PTPRF: variants seen among roughly 807,000 people sequenced by gnomAD.
The protein encoded by PTPRF is protein tyrosine phosphatase receptor type F, also known as receptor-type tyrosine-protein phosphatase F.
Under a neutral mutation model 201.8 loss-of-function variants are expected in PTPRF, and 59 were observed. That is an observed-to-expected ratio of 0.29 (90% CI 0.24 to 0.36). The LOEUF is 0.36. Among genes scored for constraint, PTPRF ranks in the 10% least tolerant of loss-of-function variants. The pLI, the probability that PTPRF is intolerant of heterozygous loss-of-function variation, is 1.00. For missense variants in PTPRF, 2,132 were observed against 2,690.5 expected (o/e 0.79, Z 4.59); for synonymous variants, 1,088 against 1,089.7 (o/e 1.00, Z 0.03).
intron 22 of PTPRF, among the ~76,000 whole-genome samples, chr1:43,610,816 A>G (rs1310153144): frequency 2.0e-5 from 3 of 152,222 alleles, no homozygotes; most frequent in African/African-American, 7.2e-5. Context: ...GTGAGCCAAG[A>G]TCGTACCATC....
Position 43,605,374 on chromosome 1 carries a change from C to T in PTPRF, c.3320C>T (p.Ala1107Val), listed in dbSNP as rs1654831807. ...PDLLPHKPLPASAYIEDGRFD... is the reference protein window; with the variant it reads ...PDLLPHKPLPVSAYIEDGRFD... Reference sequence around the variant, plus strand: ...CTCCTGCCTCACAAGCCGCTGCCTGCCTCTGCCTACATAGAGGACGGCCGC... The same window carrying T: ...CTCCTGCCTCACAAGCCGCTGCCTGTCTCTGCCTACATAGAGGACGGCCGC... The change falls in exon 18 of 34, where the codon GCC becomes GTC. Residue 1107 changes from alanine to valine, a missense_variant. Physicochemically the swap from Ala to Val is moderately conservative, Grantham distance 64. Coordinates refer to ENST00000359947, the MANE Select transcript of PTPRF (RefSeq NM_002840.5). 3 of 1,614,030 alleles carry T rather than the reference C, an allele frequency of 1.9e-6. No individual in the cohort carries two copies. The highest frequency in any genetic ancestry group is 2.5e-6 in the Non-Finnish European group (3 of 1,179,992).
In PTPRF at chr1:43,603,584, G is replaced by T. The variant is rs113166213; in HGVS notation, c.2459-27G>T. The T allele has an allele frequency of 2.3e-4, 372 of 1,612,408 alleles. 1 individual carries two copies. In the African/African-American group the frequency reaches 4.3e-3, roughly 19 times the overall value. ...GAGGGTGGGGCAGCAGGAGGGCAGC[G>T]CCAGAGCCCAGCCCGTGGTCCTTCA... On this transcript the variant is annotated intron_variant, in intron 15 of 33. Transcript: ENST00000359947. This position sits in a 1 kb window ranked among gnomAD's most constrained non-coding sequence, Gnocchi z 5.8.
intron 5 of PTPRF, among the ~76,000 whole-genome samples, chr1:43,560,813 T>C (rs1645754521): frequency 6.6e-6 from 1 of 151,740 alleles, no homozygotes; most frequent in Admixed American, 6.6e-5. Flanking sequence ...CTGCAGGAGG[T>C]CTTGGGACCC....
At chr1:43,589,793 G>T (rs1650167075) in intron 8 of PTPRF, among the ~76,000 whole-genome samples, 1 of 151,456 alleles carries the variant, frequency 6.6e-6, no homozygotes, top group Admixed American at 6.6e-5. Flanking sequence ...GCCCAGGAGG[G>T]TGAGGCTACA....
chr1:43,534,537 G>C (rs1643889153), intron 1 of PTPRF, among the ~76,000 whole-genome samples: 2 of 152,170 alleles, frequency 1.3e-5, no homozygotes, highest in African/African-American at 4.8e-5. Context: ...AGGTTCCTCG[G>C]AGTGGTTGAG....
upstream of PTPRF, among the ~76,000 whole-genome samples, chr1:43,530,428 G>A (rs1040945860): frequency 6.6e-6 from 1 of 152,102 alleles, no homozygotes; most frequent in Non-Finnish European, 1.5e-5. This position sits in a 1 kb window ranked among gnomAD's most constrained non-coding sequence, Gnocchi z 4.1. Flanking sequence ...AAGTAATAAA[G>A]AGATTTAGAG....
At chr1:43,607,727 TTCAGGC>T (rs1170710886) in intron 21 of PTPRF, among the ~76,000 whole-genome samples, 15 of 152,220 alleles carry the variant, frequency 9.9e-5, no homozygotes, top group Non-Finnish European at 2.2e-4. Context: ...TCATTCAGTG[TTCAGGC>T]CCACACAGGG....
At chr1:43,549,888 T>C (rs1569703932) in intron 3 of PTPRF, among the ~76,000 whole-genome samples, 1 of 148,358 alleles carries the variant, frequency 6.7e-6, no homozygotes, top group African/African-American at 2.5e-5. Flanking sequence ...TAAAGAAAAG[T>C]GAGCCTGAGA....
intron 7 of PTPRF, among the ~76,000 whole-genome samples, chr1:43,581,657 T>C (rs963974917): frequency 6.6e-6 from 1 of 152,244 alleles, no homozygotes; most frequent in Admixed American, 6.5e-5. Context: ...GGGGACAGCC[T>C]GTACTGGGCT....
rs746350586 is a variant in PTPRF at position 43,605,483 on chromosome 1, G to GAGGTAACC, written c.3389+43_3390-36dup. The GAGGTAACC allele has an allele frequency of 4.3e-6, 7 of 1,612,452 alleles. No homozygotes were observed. In the Admixed American group the frequency reaches 1.2e-4, roughly 27 times the overall value. On this transcript the variant is annotated intron_variant, in intron 18 of 33. Coordinates refer to ENST00000359947, the MANE Select transcript of PTPRF (RefSeq NM_002840.5). Reference sequence around the variant, plus strand: ...TATCGGGGGAGGCGGGGCAGGGCTGGAGGTAACCAGCAGTGACAGTCCTGA... The same window carrying GAGGTAACC: ...TATCGGGGGAGGCGGGGCAGGGCTGGAGGTAACCAGGTAACCAGCAGTGACAGTCCTGA...
In PTPRF at chr1:43,587,101, G is replaced by GCA. The variant is rs1649349857; in HGVS notation, c.680-1628_680-1627dup. On this transcript the variant is annotated intron_variant, in intron 7 of 33. Coordinates refer to ENST00000359947, the MANE Select transcript of PTPRF (RefSeq NM_002840.5). Reference sequence around the variant, plus strand: ...TGCCAGGGTTTGGGTTCTGTCTGGAGCACCAGAGTAAGGCAGGCTGTGGAA... The same window carrying GCA: ...TGCCAGGGTTTGGGTTCTGTCTGGAGCACACCAGAGTAAGGCAGGCTGTGGAA... Among the ~76,000 whole-genome samples the GCA allele has an allele frequency of 2.0e-5, 3 of 152,210 alleles. No homozygotes were observed. The South Asian group carries it at 6.2e-4, about 32-fold the overall frequency.
intron 22 of PTPRF, chr1:43,613,157 C>CGG: frequency 3.8e-6 from 1 of 260,922 alleles, no homozygotes; most frequent in Non-Finnish European, 7.6e-6. Context: ...GTCTGTACTT[C>CGG]ATGACCACTC....
upstream of PTPRF, among the ~76,000 whole-genome samples, chr1:43,527,782 G>A (rs1643181659): frequency 6.6e-6 from 1 of 152,168 alleles, no homozygotes; most frequent in African/African-American, 2.4e-5. Context: ...CAGGCTAGCA[G>A]GCACACAGGC....
chr1:43,548,338 C>T (rs868782604), intron 3 of PTPRF, among the ~76,000 whole-genome samples: 2 of 147,714 alleles, frequency 1.4e-5, no homozygotes, highest in South Asian at 2.3e-4. Flanking sequence ...GGGTGGGTGG[C>T]GGGTGGGTTG....
At chr1:43,597,197 G>T (rs1340801733) in intron 11 of PTPRF, among the ~76,000 whole-genome samples, 1 of 152,124 alleles carries the variant, frequency 6.6e-6, no homozygotes, top group Non-Finnish European at 1.5e-5. Context: ...CACTGTATAT[G>T]TGTGAGACCG....
chr1:43,594,661 T>C (rs1376361971), intron 11 of PTPRF, among the ~76,000 whole-genome samples: 1 of 152,024 alleles, frequency 6.6e-6, no homozygotes, highest in Non-Finnish European at 1.5e-5. Context: ...TAATGGGTTA[T>C]GAATAGGGGC....
At position 43,603,143 on chromosome 1, in the gene PTPRF, G is replaced by A. The variant is rs1281466050; in HGVS notation, c.2341-273G>A. On this transcript the variant is annotated intron_variant, in intron 14 of 33. Coordinates refer to ENST00000359947, the MANE Select transcript of PTPRF (RefSeq NM_002840.5). The surrounding 1 kb of genome is among the most constrained non-coding windows in gnomAD (Gnocchi z 5.8). ...CCGTTCACAGCACAGTGGAGTGAGG[G>A]AAACAGTCTGGCCCTTTGTTCTTGT... Among the ~76,000 whole-genome samples the A allele has an allele frequency of 6.6e-6, 1 of 152,166 alleles. No individual in the cohort carries two copies. The highest frequency in any genetic ancestry group is 2.4e-5 in the African/African-American group (1 of 41,424).
At chr1:43,532,863 C>A (rs1414468299) in intron 1 of PTPRF, among the ~76,000 whole-genome samples, 1 of 152,126 alleles carries the variant, frequency 6.6e-6, no homozygotes, top group African/African-American at 2.4e-5. Context: ...TTTCCACACT[C>A]AGCTCACCCC....
At position 43,607,707 on chromosome 1, in the gene PTPRF, G is replaced by A. The variant is rs924084402; in HGVS notation, c.3857+739G>A. 3.9e-5 allele frequency among the ~76,000 whole-genome samples: 6 copies of A among 152,196 alleles called. No homozygotes were observed. In the East Asian group the frequency reaches 5.8e-4, roughly 15 times the overall value. On this transcript the variant is annotated intron_variant, in intron 21 of 33. Transcript: ENST00000359947. ...ACCCCTGCCACACTCCTGACATTGC[G>A]ACACTGAACTCATTCAGTGTTCAGG...
Sources: allele counts gnomAD v4.1 joint callset (sites outside exome capture counted in the v4.1 genomes callset), GRCh38; gene constraint gnomAD v4.1.1; non-coding constraint Gnocchi (gnomAD v3.1); transcripts MANE v1.5; gene names NCBI Gene and HGNC (gene_info 2026-07-23, HGNC 2026-07-21).